Variants in SEMA5A observed in about 807,000 individuals in gnomAD.
SEMA5A encodes semaphorin-5A.
Under a neutral mutation model 135.5 loss-of-function variants are expected in SEMA5A, and 55 were observed. That is an observed-to-expected ratio of 0.41 (90% CI 0.33 to 0.51). The LOEUF is 0.51. Among genes scored for constraint, SEMA5A ranks in the 20% least tolerant of loss-of-function variants. The pLI, the probability that SEMA5A is intolerant of heterozygous loss-of-function variation, is 0.37. For missense variants in SEMA5A, 1,290 were observed against 1,419.9 expected, an observed-to-expected ratio of 0.91 and a Z score of 1.47; for synonymous variants, 580 against 546.5, an observed-to-expected ratio of 1.06 and a Z score of -0.85.
intron 4 of SEMA5A, among the ~76,000 whole-genome samples, chr5:9,328,116 C>T (rs552204444): frequency 1.3e-5 from 2 of 152,172 alleles, no homozygotes; most frequent in African/African-American, 4.8e-5. Flanking sequence ...CCCAGTCACA[C>T]TCCCAAAACT....
chr5:9,164,620 T>C lies in SEMA5A; in HGVS notation c.1274-9925A>G, dbSNP rs75631155. Among the ~76,000 whole-genome samples, 352 of 152,228 alleles carry C rather than the reference T, an allele frequency of 2.3e-3. 1 individual carries two copies. Among genetic ancestry groups the C allele is most frequent in the African/African-American group, 8.1e-3 (337 of 41,564 alleles). On this transcript the variant is annotated intron_variant, in intron 11 of 22. Coordinates refer to ENST00000382496, the MANE Select transcript of SEMA5A (RefSeq NM_003966.3). ...GGGAATGTCATAGGACGTATAACAT[T>C]TTGCAAAATTAATGCATTTTGATCA...
chr5:9,353,102 G>GGAAAGGAAAGGAAAGGAAAGGAAAGGA (rs1754222680), intron 3 of SEMA5A, among the ~76,000 whole-genome samples: 1 of 26,940 alleles, frequency 3.7e-5, no homozygotes, highest in African/African-American at 1.8e-4. Flanking sequence ...AGGAAGGAAG[G>GGAAAGGAAAGGAAAGGAAAGGAAAGGA]AAAGGAAAGG....
At chr5:9,417,493 T>C (rs942137590) in intron 2 of SEMA5A, among the ~76,000 whole-genome samples, 1 of 152,230 alleles carries the variant, frequency 6.6e-6, no homozygotes, top group Admixed American at 6.5e-5. Flanking sequence ...AGTCCTCAGT[T>C]ACTCCTTAGC....
In SEMA5A at chr5:9,035,261, T is replaced by G. The variant is rs1201439328; in HGVS notation, c.*7636A>C. On this transcript the variant is annotated 3_prime_UTR_variant, in exon 23 of 23. Transcript: ENST00000382496. ...TGAGGATAGATCTTCAGAATGCTTT[T>G]TCATAAAGATGAATAGGGTTGAGAT... 6.6e-6 allele frequency: 1 copy of G among 152,218 alleles called. No individual in the cohort carries two copies. Among genetic ancestry groups the G allele is most frequent in the Admixed American group, 6.5e-5 (1 of 15,280 alleles). The allele number at this position is 152,218 out of a possible 1,614,324, so 9.4% of individuals were successfully genotyped here.
At chr5:9,534,160 A>C (rs1375282642) in intron 1 of SEMA5A, among the ~76,000 whole-genome samples, 1 of 152,180 alleles carries the variant, frequency 6.6e-6, no homozygotes, top group East Asian at 1.9e-4. Flanking sequence ...TAAAGAATCC[A>C]CAAAGGCCAC....
intron 3 of SEMA5A, among the ~76,000 whole-genome samples, chr5:9,365,928 T>G (rs1579420656): frequency 6.6e-6 from 1 of 152,172 alleles, no homozygotes; most frequent in Non-Finnish European, 1.5e-5. Flanking sequence ...AGCACTTGGG[T>G]CCTTGCTGCC....
In SEMA5A at chr5:9,425,152, C is replaced by T. The variant is rs62343773; in HGVS notation, c.-78+12604G>A. Among the ~76,000 whole-genome samples, 4 of 152,298 alleles carry T rather than the reference C, an allele frequency of 2.6e-5. No homozygotes were observed. The East Asian group carries it at 5.8e-4, about 22-fold the overall frequency. ...CTTTCCCCACTACACACAAACCAATCCAAAGTTGTCCCCTGTTCACTCTCT... is the reference window on the plus strand; with the variant it reads ...CTTTCCCCACTACACACAAACCAATTCAAAGTTGTCCCCTGTTCACTCTCT... On this transcript the variant is annotated intron_variant, in intron 2 of 22. Transcript: ENST00000382496.
chr5:9,044,616 T>C lies in SEMA5A; in HGVS notation c.2894-32A>G, dbSNP rs1200860841. ...AGACATGAGCAAAGTGATGCCACACTTGAAAAGAACATCCTGCCTAGCTAC... is the reference window on the plus strand; with the variant it reads ...AGACATGAGCAAAGTGATGCCACACCTGAAAAGAACATCCTGCCTAGCTAC... On this transcript the variant is annotated intron_variant, in intron 21 of 22. Transcript: ENST00000382496. The C allele has an allele frequency of 3.8e-6, 6 of 1,579,438 alleles. 1 individual carries two copies. In the South Asian group the frequency reaches 5.5e-5, roughly 15 times the overall value.
At chr5:9,535,830 A>T (rs1326078433) in intron 1 of SEMA5A, among the ~76,000 whole-genome samples, 1 of 152,172 alleles carries the variant, frequency 6.6e-6, no homozygotes, top group Non-Finnish European at 1.5e-5. Flanking sequence ...GCCAGGAGAG[A>T]GTTACCCCAC....
intron 5 of SEMA5A, among the ~76,000 whole-genome samples, chr5:9,314,184 T>C (rs1345642654): frequency 6.6e-6 from 1 of 152,136 alleles, no homozygotes; most frequent in Non-Finnish European, 1.5e-5. Context: ...CCCCATGATT[T>C]GTGGTAGAAA....
rs1742832768 is a variant in SEMA5A at position 9,154,347 on chromosome 5, A to G, written c.1481+141T>C. 3 of 679,294 alleles carry G rather than the reference A, an allele frequency of 4.4e-6. No homozygotes were observed. The South Asian group carries it at 5.7e-5, about 13-fold the overall frequency. The allele number at this position is 679,294 out of a possible 1,614,324, so 42.1% of individuals were successfully genotyped here. A position where few individuals can be genotyped will look rare whatever the true frequency, so the allele number is the denominator to read the frequency against. ...GAATCTATTTTAATGAAAGCTCTGC[A>G]TCCTAGAGCACAGGACTCTCAGAGG... On this transcript the variant is annotated intron_variant, in intron 12 of 22. Transcript: ENST00000382496.
intron 5 of SEMA5A, among the ~76,000 whole-genome samples, chr5:9,251,696 ATCCTGG>A (rs1748797305): frequency 6.6e-6 from 1 of 152,198 alleles, no homozygotes; most frequent in Non-Finnish European, 1.5e-5. Flanking sequence ...CAAAAACAGA[ATCCTGG>A]AATCAGACAA....
At chr5:9,416,876 A>G (rs1221567230) in intron 2 of SEMA5A, among the ~76,000 whole-genome samples, 1 of 152,198 alleles carries the variant, frequency 6.6e-6, no homozygotes, top group African/African-American at 2.4e-5. Flanking sequence ...AGAAGGGATT[A>G]TCCGGTGCAA....
At chr5:9,173,891 T>C in intron 11 of SEMA5A, among the ~76,000 whole-genome samples, 1 of 152,156 alleles carries the variant, frequency 6.6e-6, no homozygotes, top group East Asian at 1.9e-4. Flanking sequence ...TTCTTAACAT[T>C]ATGAAAACAT....
chr5:9,227,353 T>G (rs989313469), intron 6 of SEMA5A, among the ~76,000 whole-genome samples: 1 of 152,098 alleles, frequency 6.6e-6, no homozygotes, highest in Non-Finnish European at 1.5e-5. Context: ...GGACGGGTAT[T>G]AGGAAAATAA....
chr5:9,120,501 A>G (rs1245139555), intron 14 of SEMA5A, among the ~76,000 whole-genome samples: 1 of 152,166 alleles, frequency 6.6e-6, no homozygotes, highest in African/African-American at 2.4e-5. Flanking sequence ...CTCTATAATA[A>G]TATAACCAAA....
chr5:9,063,094 C>G lies in SEMA5A; in HGVS notation c.2311G>C (p.Asp771His), dbSNP rs753738035. 1.2e-5 allele frequency: 19 copies of G among 1,612,376 alleles called. No homozygotes were observed. The highest frequency in any genetic ancestry group is 1.6e-5 in the Non-Finnish European group (19 of 1,179,178). ...SGCSTDGLSG[D>H]FLRAGRYSAH... ...GAGTATCTCCCAGCACGCAGGAAATCCCCAGAAAGCCCTGCCAAGGAAACA... is the reference window on the plus strand; with the variant it reads ...GAGTATCTCCCAGCACGCAGGAAATGCCCAGAAAGCCCTGCCAAGGAAACA... Residue 771 changes from aspartate to histidine, a missense_variant, in exon 18 of 23, where the codon GAT becomes CAT. Around this residue, in one of 3 missense-constraint regions of SEMA5A, gnomAD observed 1,029 missense variants for 1,086.6 expected, o/e 0.95. Transcript: ENST00000382496.
chr5:9,068,895 C>A (rs1737621417), intron 16 of SEMA5A, among the ~76,000 whole-genome samples: 1 of 152,106 alleles, frequency 6.6e-6, no homozygotes, highest in Non-Finnish European at 1.5e-5. Context: ...GCAAAATCAG[C>A]AAAGAGAAAA....
At chr5:9,125,866 G>A (rs1263455708) in intron 13 of SEMA5A, among the ~76,000 whole-genome samples, 3 of 152,170 alleles carry the variant, frequency 2.0e-5, no homozygotes, top group African/African-American at 7.2e-5. Flanking sequence ...CCTTTCACCT[G>A]TTTATCAGCC....
Sources: gnomAD v4.1 joint callset for allele counts (sites outside exome capture counted in the v4.1 genomes callset) on GRCh38, gnomAD v4.1.1 for gene constraint, gnomAD v4.1.1 regional missense constraint, MANE v1.5 for transcripts, NCBI Gene and HGNC (gene_info 2026-07-23, HGNC 2026-07-21) for gene names.